KIAA1671: variants seen among roughly 807,000 people sequenced by gnomAD.
KIAA1671 encodes KIAA1671.
In KIAA1671, 52 loss-of-function variants were observed where a neutral mutation model predicts 131.2. The observed-to-expected ratio is 0.40, with a 90% confidence interval of 0.32 to 0.50. KIAA1671 has a LOEUF of 0.50. Among genes scored for constraint, KIAA1671 ranks in the 20% least tolerant of loss-of-function variants. KIAA1671 has a pLI of 0.73. For missense variants in KIAA1671, 2,360 were observed against 2,364.2 expected (o/e 1.00, Z 0.04); for synonymous variants, 1,003 against 961.6 (o/e 1.04, Z -0.80).
At chr22:25,184,428 A>G (rs1038593613) in intron 10 of KIAA1671, among the ~76,000 whole-genome samples, 2 of 152,220 alleles carry the variant, frequency 1.3e-5, no homozygotes, top group African/African-American at 2.4e-5. Context: ...GGCTGACCCA[A>G]CACGGCCTGG....
At chr22:25,167,598 C>A (rs574022403) in intron 6 of KIAA1671, among the ~76,000 whole-genome samples, 41 of 152,244 alleles carry the variant, frequency 2.7e-4, no homozygotes, top group African/African-American at 9.1e-4. Context: ...AAAATGTATT[C>A]TTTGTGATTT....
chr22:25,010,846 T>C (rs1924995558), intron 1 of KIAA1671: 1 of 152,230 alleles, frequency 6.6e-6, no homozygotes, highest in African/African-American at 2.4e-5. Flanking sequence ...GGCTTAACTA[T>C]ATATCAAGTT....
intron 1 of KIAA1671, among the ~76,000 whole-genome samples, chr22:24,987,137 AT>A (rs532493499): frequency 1.4e-4 from 21 of 148,176 alleles, no homozygotes; most frequent in Non-Finnish European, 2.0e-4. Context: ...TGTTCTTTTG[AT>A]TTTTTTCCAA....
At chr22:25,137,110 C>T (rs1932712269) in intron 6 of KIAA1671, among the ~76,000 whole-genome samples, 1 of 152,190 alleles carries the variant, frequency 6.6e-6, no homozygotes, top group East Asian at 1.9e-4. Context: ...CTGGGAGTCG[C>T]TGCCTGGGGT....
At chr22:25,073,941 G>T (rs1351909432) in intron 6 of KIAA1671, among the ~76,000 whole-genome samples, 1 of 152,082 alleles carries the variant, frequency 6.6e-6, no homozygotes, top group East Asian at 2.0e-4. Context: ...TGATCTGCCC[G>T]CCTGGGCCTC....
At position 25,029,383 on chromosome 22, in the gene KIAA1671, A is replaced by G. The variant is rs2145788738; in HGVS notation, c.1384A>G (p.Thr462Ala). The G allele has an allele frequency of 6.4e-7, 1 of 1,551,318 alleles. No individual in the cohort carries two copies. Among genetic ancestry groups the G allele is most frequent in the South Asian group, 1.2e-5 (1 of 84,048 alleles). ...LAVGSESPLA[T>A]PASPSAAPEP... ...AGTGGGGTCTGAATCTCCCCTGGCC[A>G]CCCCTGCGTCCCCATCGGCGGCACC... is the stretch of plus-strand genomic sequence containing the variant. Residue 462 changes from threonine (T) to alanine (A), a missense_variant, in exon 3 of 13, where the codon ACC becomes GCC. Transcript: ENST00000358431.
intron 6 of KIAA1671, among the ~76,000 whole-genome samples, chr22:25,125,554 G>T (rs781328735): frequency 2.0e-5 from 3 of 152,116 alleles, no homozygotes; most frequent in Non-Finnish European, 4.4e-5. Flanking sequence ...TGTAGAACTG[G>T]GTTTCACACC....
chr22:25,042,891 A>C (rs1455988519), intron 5 of KIAA1671, among the ~76,000 whole-genome samples: 2 of 152,134 alleles, frequency 1.3e-5, no homozygotes, highest in Non-Finnish European at 2.9e-5. Flanking sequence ...GGACCCCGGG[A>C]GGCAGCATGG....
chr22:25,028,872 T>A lies in KIAA1671; in HGVS notation c.873T>A (p.Phe291Leu). Residue 291 changes from phenylalanine to leucine, a missense_variant, in exon 3 of 13, where the codon TTT (phenylalanine) becomes TTA (leucine). Physicochemically the swap from Phe to Leu is conservative, Grantham distance 22 (BLOSUM62 0). Around this residue, in one of 3 missense-constraint regions of KIAA1671, gnomAD observed 1,185 missense variants for 1,126.2 expected, o/e 1.05. Transcript: ENST00000358431. ...TGTCCATGGACCTCACGGCCCGGTT[T>A]GAGAACAAAGAGGCCTTGCTGAGGA... ...RPLSMDLTAR[F>L]ENKEALLRKV... 6.4e-7 allele frequency: 1 copy of A among 1,551,164 alleles called. No individual in the cohort carries two copies. Among genetic ancestry groups the A allele is most frequent in the Non-Finnish European group, 8.7e-7 (1 of 1,146,904 alleles).
chr22:25,041,770 A>G (rs985337143), intron 5 of KIAA1671, among the ~76,000 whole-genome samples: 1 of 149,966 alleles, frequency 6.7e-6, no homozygotes, highest in African/African-American at 2.5e-5. Flanking sequence ...TGAAACAAAG[A>G]GTCTTGCTTA....
chr22:25,105,366 G>T (rs531655638), intron 6 of KIAA1671, among the ~76,000 whole-genome samples: 1 of 152,142 alleles, frequency 6.6e-6, no homozygotes, highest in African/African-American at 2.4e-5. Context: ...TAGAAATGGC[G>T]ATCTCTGTGT....
chr22:25,122,801 C>T (rs936195882), intron 6 of KIAA1671, among the ~76,000 whole-genome samples: 5 of 152,074 alleles, frequency 3.3e-5, no homozygotes, highest in Non-Finnish European at 5.9e-5. Context: ...GGTGAAACCC[C>T]GTCTCTACTA....
intron 6 of KIAA1671, among the ~76,000 whole-genome samples, chr22:25,123,412 TC>T (rs909554084): frequency 6.6e-5 from 10 of 152,112 alleles, no homozygotes; most frequent in Non-Finnish European, 1.2e-4. Context: ...CAGGATGGTC[TC>T]GATTTCCTGA....
At position 25,041,818 on chromosome 22, in the gene KIAA1671, C is replaced by T. The variant is rs928654580; in HGVS notation, c.4395+293C>T. Among the ~76,000 whole-genome samples, 583 of 152,254 alleles carry T rather than the reference C, an allele frequency of 3.8e-3. 3 individuals are homozygous for T. Among genetic ancestry groups the T allele is most frequent in the African/African-American group, 0.013 (558 of 41,552 alleles). On this transcript the variant is annotated intron_variant, in intron 5 of 12. Transcript: ENST00000358431. ...GGAGTGCAGTGGCATGATCATGGCTCACTGCAGCCATAATCTCCTGGGCTC... is the reference window on the plus strand; with the variant it reads ...GGAGTGCAGTGGCATGATCATGGCTTACTGCAGCCATAATCTCCTGGGCTC...
In KIAA1671 at chr22:25,029,526, G is replaced by A. The variant is rs1329008256; in HGVS notation, c.1527G>A (p.Ala509=). Residue 509 remains alanine, a synonymous_variant, in exon 3 of 13, where the codon GCG becomes GCA. Coordinates refer to ENST00000358431, the MANE Select transcript of KIAA1671 (RefSeq NM_001145206.2). The part of the protein sequence containing the change: ...RRTFQARPLS[A]DLTKLFSSSA... ...CGTTCCAGGCTCGGCCGCTGTCGGC[G>A]GATTTGACCAAATTGTAAGTAGGCA... The A allele has an allele frequency of 1.4e-5, 21 of 1,541,100 alleles. No individual in the cohort carries two copies. The East Asian group carries it at 3.4e-4, about 25-fold the overall frequency.
At position 25,039,921 on chromosome 22, in the gene KIAA1671, G is replaced by A. The variant is rs1926818651; in HGVS notation, c.2791G>A (p.Ala931Thr). The change falls in exon 5 of 13, where the codon GCA (alanine) becomes ACA (threonine). Residue 931 changes from alanine to threonine, a missense_variant. By Grantham distance (58) the Ala-to-Thr change is moderately conservative (BLOSUM62 0). Coordinates refer to ENST00000358431, the MANE Select transcript of KIAA1671 (RefSeq NM_001145206.2). ...AGGGCCGGCCCAGGTGCCACAGCCT[G>A]CAGTCAGAATGCGGAAAGCCGGCGC... is the stretch of plus-strand genomic sequence containing the variant. ...DPGPAQVPQPAVRMRKAGAMD... is the reference protein window; with the variant it reads ...DPGPAQVPQPTVRMRKAGAMD... 2 of 1,551,462 alleles carry A rather than the reference G, an allele frequency of 1.3e-6. No individual in the cohort carries two copies. Among genetic ancestry groups the A allele is most frequent in the African/African-American group, 2.7e-5 (2 of 73,080 alleles).
chr22:25,166,881 C>T lies in KIAA1671; in HGVS notation c.4531-3939C>T, dbSNP rs561920818. ...TCTGCCTCCCGCTGAGCTTAGCATA[C>T]ACAGGCACAAGCCCAGCATCCACCT... On this transcript the variant is annotated intron_variant, in intron 6 of 12. Coordinates refer to ENST00000358431, the MANE Select transcript of KIAA1671 (RefSeq NM_001145206.2). 2.6e-5 allele frequency among the ~76,000 whole-genome samples: 4 copies of T among 152,156 alleles called. No individual in the cohort carries two copies. In the East Asian group the frequency reaches 7.8e-4, roughly 30 times the overall value.
chr22:25,041,087 G>GA lies in KIAA1671; in HGVS notation c.3964dup (p.Thr1322AsnfsTer5). ...GCTCTCCTATACCTGCGGATCCCAG[G>GA]AAAAAAACGGGGTTTGCTGAGGATG... On this transcript the variant is annotated frameshift_variant, in exon 5 of 13. Coordinates refer to ENST00000358431, the MANE Select transcript of KIAA1671 (RefSeq NM_001145206.2). LOFTEE classifies it high-confidence loss of function. 1 of 1,541,434 alleles carries GA rather than the reference G, an allele frequency of 6.5e-7. No individual in the cohort carries two copies. The highest frequency in any genetic ancestry group is 8.8e-7 in the Non-Finnish European group (1 of 1,141,668).
chr22:25,113,599 T>C (rs1931500644), intron 6 of KIAA1671, among the ~76,000 whole-genome samples: 1 of 152,138 alleles, frequency 6.6e-6, no homozygotes, highest in Admixed American at 6.5e-5. Context: ...GTATCCCCTC[T>C]GCTGACCCAG....
Sources: allele counts gnomAD v4.1 joint callset (sites outside exome capture counted in the v4.1 genomes callset), GRCh38; gene constraint gnomAD v4.1.1; regional missense constraint gnomAD v4.1.1; transcripts MANE v1.5; gene names NCBI Gene and HGNC (gene_info 2026-07-23, HGNC 2026-07-21).